The following OPRM1 variants were observed in gnomAD, a reference collection of about 807,000 sequenced individuals.
OPRM1 encodes the protein opioid receptor mu 1, also known as mu-type opioid receptor.
OPRM1 carries 27 observed loss-of-function variants against 31.8 expected under a neutral mutation model. That is an observed-to-expected ratio of 0.85 (90% CI 0.63 to 1.17). The LOEUF (loss-of-function observed/expected upper bound fraction) is 1.17. Among genes scored for constraint, OPRM1 ranks in the 50% most tolerant of loss-of-function variants. The pLI, the probability that OPRM1 is intolerant of heterozygous loss-of-function variation, is 0.00. For missense variants in OPRM1, 536 were observed against 511.1 expected (o/e 1.05, Z -0.47); for synonymous variants, 196 against 189.9 (o/e 1.03, Z -0.26).
intron 3 of OPRM1, among the ~76,000 whole-genome samples, chr6:154,230,398 C>T (rs1021260439): frequency 1.3e-5 from 2 of 152,068 alleles, no homozygotes; most frequent in African/African-American, 4.8e-5. Context: ...AAAATTAAGT[C>T]TTTTAGAAAT....
chr6:154,016,145 A>G (rs1404224292), intron 1 of OPRM1, among the ~76,000 whole-genome samples: 1 of 152,206 alleles, frequency 6.6e-6, no homozygotes, highest in Admixed American at 6.5e-5. Context: ...CAAAATGCAC[A>G]GGGCAATTCA....
chr6:154,086,565 A>C (rs899636810), intron 1 of OPRM1: 2 of 984,878 alleles, frequency 2.0e-6, no homozygotes, highest in Admixed American at 1.2e-4. Flanking sequence ...TTGAACCCTG[A>C]CATAATTTTT....
At chr6:154,019,086 G>A (rs1299144501) in intron 1 of OPRM1, among the ~76,000 whole-genome samples, 2 of 150,892 alleles carry the variant, frequency 1.3e-5, no homozygotes, top group Non-Finnish European at 2.9e-5. Flanking sequence ...AACCTCTCGC[G>A]CATTTATTTT....
At chr6:154,068,077 A>G (rs1428530559) in intron 1 of OPRM1, among the ~76,000 whole-genome samples, 2 of 152,024 alleles carry the variant, frequency 1.3e-5, no homozygotes, top group African/African-American at 4.8e-5. Context: ...TTAAATTTTA[A>G]TAGTATATTT....
chr6:154,052,261 T>C (rs1266509133), intron 1 of OPRM1, among the ~76,000 whole-genome samples: 4 of 152,132 alleles, frequency 2.6e-5, no homozygotes, highest in Non-Finnish European at 5.9e-5. Context: ...AATTGATAGG[T>C]GCAGCAAACC....
chr6:154,029,376 A>G (rs1445845290), intron 1 of OPRM1, among the ~76,000 whole-genome samples: 1 of 152,214 alleles, frequency 6.6e-6, no homozygotes, highest in Non-Finnish European at 1.5e-5. Context: ...TTGCTGGTTC[A>G]GGACAAATCT....
chr6:154,073,188 T>C (rs1370458700), intron 1 of OPRM1, among the ~76,000 whole-genome samples: 2 of 152,088 alleles, frequency 1.3e-5, no homozygotes, highest in Non-Finnish European at 2.9e-5. Flanking sequence ...GAACAGCCAA[T>C]ATAAGCTGCA....
At chr6:154,087,686 C>T (rs776583600) in intron 1 of OPRM1, 63 of 724,382 alleles carry the variant, frequency 8.7e-5, no homozygotes, top group Non-Finnish European at 9.8e-5. Flanking sequence ...ACCATGGCCC[C>T]GGTCACTAAA....
At chr6:154,239,859 C>G (rs1235698709) in intron 3 of OPRM1, among the ~76,000 whole-genome samples, 2 of 152,122 alleles carry the variant, frequency 1.3e-5, no homozygotes, top group African/African-American at 4.8e-5. Context: ...ATATCCACCA[C>G]GCTTGGCTAA....
At chr6:154,052,825 T>C (rs950463351) in intron 1 of OPRM1, among the ~76,000 whole-genome samples, 1 of 152,226 alleles carries the variant, frequency 6.6e-6, no homozygotes, top group Non-Finnish European at 1.5e-5. Flanking sequence ...GGGGTATGTA[T>C]ATACCCACAA....
At chr6:154,182,059 A>G (rs1800930517) in intron 3 of OPRM1, among the ~76,000 whole-genome samples, 1 of 152,198 alleles carries the variant, frequency 6.6e-6, no homozygotes, top group African/African-American at 2.4e-5. Flanking sequence ...AAATTAAATT[A>G]AAATTTTTAA....
At chr6:154,024,295 A>G (rs948251692) in intron 1 of OPRM1, among the ~76,000 whole-genome samples, 8 of 151,908 alleles carry the variant, frequency 5.3e-5, no homozygotes, top group African/African-American at 9.7e-5. Flanking sequence ...AGAATTGTCA[A>G]TCTCCTCTAG....
intron 3 of OPRM1, among the ~76,000 whole-genome samples, chr6:154,176,243 T>C (rs1038417247): frequency 1.3e-5 from 2 of 152,300 alleles, no homozygotes; most frequent in African/African-American, 4.8e-5. Context: ...ACTGGAAGCA[T>C]TCCCTTTGAA....
chr6:154,174,860 A>G lies in OPRM1; in HGVS notation c.1165-71833A>G, dbSNP rs538532811. On this transcript the variant is annotated intron_variant, in intron 3 of 3. Transcript: ENST00000337049. The stretch of plus-strand genomic sequence containing the variant: ...ACAGAACTCTCCACCCAAAATCAAC[A>G]GAATATAGATTTTTCTCAGCACCAC... 2.6e-5 allele frequency among the ~76,000 whole-genome samples: 4 copies of G among 152,342 alleles called. No individual in the cohort carries two copies. The East Asian group carries it at 5.8e-4, about 22-fold the overall frequency.
intron 3 of OPRM1, among the ~76,000 whole-genome samples, chr6:154,094,485 T>C (rs1424305477): frequency 1.3e-5 from 2 of 152,238 alleles, no homozygotes; most frequent in African/African-American, 4.8e-5. Flanking sequence ...GAACAGCCAT[T>C]GGAGCTGGGC....
chr6:154,023,622 C>T (rs1469190322), intron 1 of OPRM1, among the ~76,000 whole-genome samples: 1 of 152,050 alleles, frequency 6.6e-6, no homozygotes, highest in Non-Finnish European at 1.5e-5. Flanking sequence ...CCCTGCCATG[C>T]TTCTGATCTT....
chr6:154,146,393 C>G (rs951099495), intron 3 of OPRM1, among the ~76,000 whole-genome samples: 1 of 151,990 alleles, frequency 6.6e-6, no homozygotes. Context: ...GAACAAGACT[C>G]CCTCTCAAAA....
At chr6:154,197,020 A>G (rs1405146047) in intron 3 of OPRM1, among the ~76,000 whole-genome samples, 4 of 152,322 alleles carry the variant, frequency 2.6e-5, no homozygotes, top group Non-Finnish European at 4.4e-5. Flanking sequence ...GGACTCAGTT[A>G]TTAATCTTTA....
intron 3 of OPRM1, among the ~76,000 whole-genome samples, chr6:154,114,784 C>T: frequency 6.6e-6 from 1 of 151,256 alleles, no homozygotes. Flanking sequence ...TACAAGGCTG[C>T]TACATTGAGA....
Sources: gnomAD v4.1 joint callset for allele counts (sites outside exome capture counted in the v4.1 genomes callset) on GRCh38, gnomAD v4.1.1 for gene constraint, MANE v1.5 for transcripts, NCBI Gene and HGNC (gene_info 2026-07-23, HGNC 2026-07-21) for gene names.